The following ADAMTSL1 variants were observed in gnomAD, a reference collection of about 807,000 sequenced individuals.
ADAMTSL1 encodes the protein ADAMTS like 1.
ADAMTSL1 carries 126 observed loss-of-function variants against 201.8 expected under a neutral mutation model. The ratio of observed to expected loss-of-function variants is 0.62; its 90% confidence interval spans 0.54 to 0.72. The LOEUF (loss-of-function observed/expected upper bound fraction) is 0.72, where lower values mean the gene tolerates loss of function less well. Ranked by LOEUF, ADAMTSL1 falls within the 30% of genes least tolerant of loss-of-function variation. ADAMTSL1 has a pLI of 0.00. For synonymous variants in ADAMTSL1, 1,121 were observed against 903.4 expected (o/e 1.24, Z -4.32); for missense variants, 2,679 against 2,277.8 (o/e 1.18, Z -3.59).
At position 18,855,146 on chromosome 9, in the gene ADAMTSL1, C is replaced by G. The variant is rs16937148; in HGVS notation, c.4249+25169C>G. Among the ~76,000 whole-genome samples the G allele has an allele frequency of 6.4e-3, 967 of 152,232 alleles. 15 individuals carry two copies. Among genetic ancestry groups the G allele is most frequent in the African/African-American group, 0.021 (870 of 41,528 alleles). Reference sequence around the variant, plus strand: ...TCCATTCCACAGAGCCTCAGAAACACGAGGCTAACAGCTTGGAAAACAACT... The same window carrying G: ...TCCATTCCACAGAGCCTCAGAAACAGGAGGCTAACAGCTTGGAAAACAACT... On this transcript the variant is annotated intron_variant, in intron 23 of 28. Transcript: ENST00000380548.
intron 1 of ADAMTSL1, among the ~76,000 whole-genome samples, chr9:18,088,708 T>C (rs190980561): frequency 6.6e-6 from 1 of 152,282 alleles, no homozygotes; most frequent in East Asian, 1.9e-4. Flanking sequence ...CTATTTAGGA[T>C]GGCTATTATC....
At chr9:18,344,969 T>A (rs1193545335) in intron 2 of ADAMTSL1, among the ~76,000 whole-genome samples, 2 of 152,104 alleles carry the variant, frequency 1.3e-5, no homozygotes, top group African/African-American at 4.8e-5. Flanking sequence ...CCTGTGGATA[T>A]CCCTCCACTA....
intron 2 of ADAMTSL1, among the ~76,000 whole-genome samples, chr9:18,287,505 T>G (rs1338677923): frequency 6.6e-6 from 1 of 151,544 alleles, no homozygotes; most frequent in Non-Finnish European, 1.5e-5. Flanking sequence ...TATTTATATG[T>G]GCACATATGT....
intron 2 of ADAMTSL1, among the ~76,000 whole-genome samples, chr9:18,393,094 C>T (rs1838118918): frequency 6.6e-6 from 1 of 152,128 alleles, no homozygotes; most frequent in Admixed American, 6.6e-5. Context: ...TTTGAGTATA[C>T]TACTCAGGTT....
intron 3 of ADAMTSL1, among the ~76,000 whole-genome samples, chr9:18,548,383 A>G (rs1284158616): frequency 1.3e-5 from 2 of 152,044 alleles, no homozygotes; most frequent in South Asian, 2.1e-4. Context: ...GCCCCGAAGC[A>G]TATGCTGAAG....
intron 7 of ADAMTSL1, among the ~76,000 whole-genome samples, chr9:18,642,551 G>C (rs576704987): frequency 5.9e-5 from 9 of 151,972 alleles, no homozygotes; most frequent in Admixed American, 3.9e-4. Context: ...ACGAAATTTT[G>C]TATCTTTTGA....
intron 3 of ADAMTSL1, among the ~76,000 whole-genome samples, chr9:18,555,033 C>T (rs1375627459): frequency 1.3e-5 from 2 of 152,032 alleles, no homozygotes; most frequent in East Asian, 3.9e-4. Context: ...TTCATCCTCA[C>T]CTCCCCATAA....
chr9:18,889,881 G>A (rs1829139419), intron 25 of ADAMTSL1, 133 bp downstream of exon 25: 2 of 911,616 alleles, frequency 2.2e-6, no homozygotes, highest in Non-Finnish European at 3.0e-6. Flanking sequence ...CTTCCCTCTA[G>A]GCACAGGCTT....
chr9:18,198,332 T>C (rs1166935423), intron 2 of ADAMTSL1, among the ~76,000 whole-genome samples: 1 of 145,094 alleles, frequency 6.9e-6, no homozygotes, highest in Non-Finnish European at 1.5e-5. Context: ...ACCTACAAAA[T>C]GGGAGAAAAT....
rs555094770 is a variant in ADAMTSL1 at position 18,887,797 on chromosome 9, T to A, written c.4250-34T>A. 2.5e-6 allele frequency: 4 copies of A among 1,580,516 alleles called. No homozygotes were observed. In the East Asian group the frequency reaches 9.0e-5, roughly 35 times the overall value. On this transcript the variant is annotated intron_variant, in intron 23 of 28. Coordinates refer to ENST00000380548, the MANE Select transcript of ADAMTSL1 (RefSeq NM_001040272.6). ...CACCAGCAATGTGTTCCTTATGGCT[T>A]TACTAAGGCTTACTTCTTTTCCTCT...
chr9:18,163,052 C>G (rs1250098979), intron 1 of ADAMTSL1, among the ~76,000 whole-genome samples: 1 of 151,988 alleles, frequency 6.6e-6, no homozygotes, highest in Non-Finnish European at 1.5e-5. Context: ...CCTGGGTGAA[C>G]TGATTATACC....
At chr9:18,316,164 G>T (rs547553980) in intron 2 of ADAMTSL1, among the ~76,000 whole-genome samples, 1 of 152,126 alleles carries the variant, frequency 6.6e-6, no homozygotes. Flanking sequence ...TACTTTACAC[G>T]GTAATAGAAT....
intron 1 of ADAMTSL1, among the ~76,000 whole-genome samples, chr9:17,966,978 G>T (rs1818000681): frequency 1.3e-5 from 2 of 152,074 alleles, no homozygotes; most frequent in African/African-American, 2.4e-5. Context: ...GGATTTAAAG[G>T]CATTTGGGTT....
chr9:18,661,468 C>T (rs938246404), intron 8 of ADAMTSL1, among the ~76,000 whole-genome samples: 3 of 152,100 alleles, frequency 2.0e-5, no homozygotes, highest in Admixed American at 6.5e-5. Context: ...GTGCTGGCCC[C>T]CCATGTGCAA....
At chr9:18,458,459 T>C (rs534107332) in intron 2 of ADAMTSL1, among the ~76,000 whole-genome samples, 13 of 152,316 alleles carry the variant, frequency 8.5e-5, no homozygotes, top group Admixed American at 8.5e-4. Context: ...AATAATGATT[T>C]AACCATTCCA....
chr9:18,850,610 A>G (rs1695588595), intron 23 of ADAMTSL1, among the ~76,000 whole-genome samples: 1 of 152,220 alleles, frequency 6.6e-6, no homozygotes, highest in Admixed American at 6.5e-5. Flanking sequence ...AATCCTCAGC[A>G]TCTGATTCCT....
At position 18,710,661 on chromosome 9, in the gene ADAMTSL1, G is replaced by GTTTTTTTTTTT. The variant is rs1352571180; in HGVS notation, c.1876+3617_1876+3618insTTTTTTTTTTT. ...TCCTTGCAGTCTTAGAAGGGCCTAA[G>GTTTTTTTTTTT]TTTTGTTTTGTTTTTTTTTTTTTTT... On this transcript the variant is annotated intron_variant, in intron 14 of 28. Coordinates refer to ENST00000380548, the MANE Select transcript of ADAMTSL1 (RefSeq NM_001040272.6). 6.3e-5 allele frequency among the ~76,000 whole-genome samples: 5 copies of GTTTTTTTTTTT among 79,642 alleles called. 1 individual carries two copies. Among genetic ancestry groups the GTTTTTTTTTTT allele is most frequent in the African/African-American group, 4.3e-5 (1 of 23,126 alleles). 52.2% of individuals were successfully genotyped at this position (79,642 alleles called of 152,430 possible). A position where few individuals can be genotyped will look rare whatever the true frequency, so the allele number is the denominator to read the frequency against.
At chr9:18,899,707 T>C (rs201997189) in intron 26 of ADAMTSL1, among the ~76,000 whole-genome samples, 1 of 152,160 alleles carries the variant, frequency 6.6e-6, no homozygotes, top group East Asian at 1.9e-4. Flanking sequence ...CCCTACTTAA[T>C]AGATGGTGCT....
intron 1 of ADAMTSL1, among the ~76,000 whole-genome samples, chr9:17,964,493 G>A (rs755216629): frequency 6.6e-6 from 1 of 152,076 alleles, no homozygotes; most frequent in Admixed American, 6.6e-5. Context: ...ATCCCTGCGT[G>A]GTGACAAAAC....
Sources: gnomAD v4.1 joint callset for allele counts (sites outside exome capture counted in the v4.1 genomes callset) on GRCh38, gnomAD v4.1.1 for gene constraint, MANE v1.5 for transcripts, NCBI Gene and HGNC (gene_info 2026-07-23, HGNC 2026-07-21) for gene names.